ADGRD1: variants seen among roughly 807,000 people sequenced by gnomAD.
ADGRD1 encodes the protein adhesion G protein-coupled receptor D1.
A neutral mutation model predicts 113.4 loss-of-function variants in ADGRD1; 77 were observed. The ratio of observed to expected loss-of-function variants is 0.68; its 90% CI spans 0.57 to 0.82. The LOEUF is 0.82. Among genes scored for constraint, ADGRD1 ranks in the 40% least tolerant of loss-of-function variants. The pLI is 0.00. For synonymous variants in ADGRD1, 474 were observed against 475.0 expected (o/e 1.00, Z 0.03); for missense variants, 1,036 against 1,139.1 (o/e 0.91, Z 1.30).
chr12:130,963,211 T>G (rs1320002218), intron 2 of ADGRD1, among the ~76,000 whole-genome samples: 2 of 150,294 alleles, frequency 1.3e-5, no homozygotes, highest in Non-Finnish European at 3.0e-5. Context: ...TCCCAGCTAC[T>G]TGGGAAGCTG....
intron 4 of ADGRD1, chr12:130,978,833 C>T (rs1872631630): frequency 6.6e-6 from 1 of 152,132 alleles, no homozygotes; most frequent in South Asian, 2.1e-4. Context: ...TCCATGAATC[C>T]TACTGGGAAT....
At chr12:130,977,436 G>A (rs1003202481) in intron 4 of ADGRD1, 13 of 152,262 alleles carry the variant, frequency 8.5e-5, no homozygotes, top group African/African-American at 2.9e-4. Flanking sequence ...TCTCCTCCTG[G>A]CCACACCAGG....
At position 130,990,962 on chromosome 12, in the gene ADGRD1, G is replaced by C. The variant is rs955530063; in HGVS notation, c.746-52G>C. 3 of 1,424,344 alleles carry C rather than the reference G, an allele frequency of 2.1e-6. No individual in the cohort carries two copies. In the African/African-American group the frequency reaches 4.2e-5, roughly 20 times the overall value. The allele number at this position is 1,424,344 out of a possible 1,614,324, so 88.2% of individuals were successfully genotyped here. A position where few individuals can be genotyped will look rare whatever the true frequency, so the allele number is the denominator to read the frequency against. On this transcript the variant is annotated intron_variant, in intron 6 of 24. Coordinates refer to ENST00000261654, the MANE Select transcript of ADGRD1 (RefSeq NM_198827.5). ...TTTAACAAGGACAGGTCTTCCTCGT[G>C]GTGAAAAAAGTGACCATGTTTTAGT...
At chr12:130,969,431 T>C (rs1052242358) in intron 3 of ADGRD1, 1 of 208,840 alleles carries the variant, frequency 4.8e-6, no homozygotes, top group Non-Finnish European at 9.6e-6. Flanking sequence ...GAGCTCCACC[T>C]CCTGTCAGAT....
chr12:131,008,995 G>A (rs148894782), intron 12 of ADGRD1, among the ~76,000 whole-genome samples: 1 of 152,348 alleles, frequency 6.6e-6, no homozygotes, highest in Non-Finnish European at 1.5e-5. Flanking sequence ...AACTGACCCA[G>A]GCAGAAGCTA....
intron 8 of ADGRD1, among the ~76,000 whole-genome samples, chr12:130,997,647 G>T (rs1209821266): frequency 1.3e-5 from 2 of 151,872 alleles, no homozygotes; most frequent in Admixed American, 6.6e-5. Flanking sequence ...AGATGGGATG[G>T]CGGCCGGGAA....
intron 13 of ADGRD1, among the ~76,000 whole-genome samples, chr12:131,015,174 T>C (rs1309530448): frequency 6.6e-6 from 1 of 152,244 alleles, no homozygotes. Context: ...CATACCTGGG[T>C]GGGTGCTTCT....
rs765802718 is a variant in ADGRD1 at position 131,084,679 on chromosome 12, C to T, written c.1671+16C>T. ...CCCGCTGGAGGTAAGAGCCAGGCCTCAGGGGTCGCGGGACCTGGGGGACGT... is the reference window on the plus strand; with the variant it reads ...CCCGCTGGAGGTAAGAGCCAGGCCTTAGGGGTCGCGGGACCTGGGGGACGT... On this transcript the variant is annotated intron_variant, in intron 15 of 24. Transcript: ENST00000261654. This position sits in a 1 kb window ranked among gnomAD's most constrained non-coding sequence, Gnocchi z 4.5. 24 of 1,613,368 alleles carry T rather than the reference C, an allele frequency of 1.5e-5. No homozygotes were observed. In the South Asian group the frequency reaches 2.2e-4, roughly 15 times the overall value.
rs11612163 is a variant in ADGRD1, at chr12:131,096,053, G to A, written c.1672-8778G>A. On this transcript the variant is annotated intron_variant, in intron 15 of 24. Transcript: ENST00000261654. This position sits in a 1 kb window ranked among gnomAD's most constrained non-coding sequence, Gnocchi z 5.2. ...GTCACGGCCACCATTCCTGCCTCCC[G>A]GCCCTGCCCAGAGCAGCGGCCTAGA... Among the ~76,000 whole-genome samples the A allele has an allele frequency of 1.3e-3, 120 of 89,440 alleles. 1 individual carries two copies. In the East Asian group the frequency reaches 0.02, roughly 15 times the overall value. 58.7% of individuals were successfully genotyped at this position (89,440 alleles called of 152,430 possible).
intron 15 of ADGRD1, among the ~76,000 whole-genome samples, chr12:131,087,709 C>T (rs745958806): frequency 1.4e-4 from 15 of 104,064 alleles, no homozygotes; most frequent in Non-Finnish European, 2.8e-4. Flanking sequence ...CCAGCGACTG[C>T]CCCTTCCCAG....
At chr12:131,063,311 G>T (rs1392536258) in intron 13 of ADGRD1, among the ~76,000 whole-genome samples, 1 of 152,122 alleles carries the variant, frequency 6.6e-6, no homozygotes, top group Non-Finnish European at 1.5e-5. Context: ...ATTTTGTAAA[G>T]TCCAATTTAT....
rs916903885 is a variant in ADGRD1 at position 131,022,708 on chromosome 12, T to C, written c.1473+8368T>C. On this transcript the variant is annotated intron_variant, in intron 13 of 24. Coordinates refer to ENST00000261654, the MANE Select transcript of ADGRD1 (RefSeq NM_198827.5). The surrounding 1 kb of genome is among the most constrained non-coding windows in gnomAD (Gnocchi z 4.6). ...AGGCATTAAAGATATGCTGGGCTCA[T>C]GGAATCGGCTCTTTCCCTAAGGAGC... 6.6e-5 allele frequency: 10 copies of C among 152,184 alleles called. No homozygotes were observed. Among genetic ancestry groups the C allele is most frequent in the Middle Eastern group, 3.4e-3 (1 of 294 alleles). The allele number at this position is 152,184 out of a possible 1,614,324, so 9.4% of individuals were successfully genotyped here. A position where few individuals can be genotyped will look rare whatever the true frequency, so the allele number is the denominator to read the frequency against.
intron 4 of ADGRD1, among the ~76,000 whole-genome samples, chr12:130,972,693 C>T (rs901419090): frequency 6.6e-6 from 1 of 151,866 alleles, no homozygotes; most frequent in Non-Finnish European, 1.5e-5. Flanking sequence ...AATATGTGCT[C>T]CTTCCTTGCA....
rs1365644117 is a variant in ADGRD1, at chr12:131,036,278, TCTCACTCACTGCACTGGGC to T, written c.1473+21953_1473+21971del. On this transcript the variant is annotated intron_variant, in intron 13 of 24. Coordinates refer to ENST00000261654, the MANE Select transcript of ADGRD1 (RefSeq NM_198827.5). ...AGTGAGTCTCACTCACTGCACTGGG[TCTCACTCACTGCACTGGGC>T]CTCACTCACTGCACCGGGTCTTACT... is the stretch of plus-strand genomic sequence containing the variant. 3.9e-4 allele frequency among the ~76,000 whole-genome samples: 58 copies of T among 150,254 alleles called. No homozygotes were observed. In the South Asian group the frequency reaches 0.012, roughly 31 times the overall value.
chr12:130,960,378 T>C (rs1250568460), intron 2 of ADGRD1, among the ~76,000 whole-genome samples: 1 of 152,180 alleles, frequency 6.6e-6, no homozygotes, highest in Non-Finnish European at 1.5e-5. Context: ...TTAGAGTTTC[T>C]AAAGAACTGT....
At chr12:131,094,208 A>G (rs1725827) in intron 15 of ADGRD1, among the ~76,000 whole-genome samples, 138,888 of 152,182 alleles carry the variant, frequency 0.91, 64,792 homozygotes, top group East Asian at 1. Flanking sequence ...GACAGAGTGA[A>G]GTCACAGTGA....
chr12:130,996,252 C>T (rs1875321195), intron 8 of ADGRD1, among the ~76,000 whole-genome samples: 1 of 144,686 alleles, frequency 6.9e-6, no homozygotes, highest in South Asian at 2.2e-4. Flanking sequence ...TCCACAAAGC[C>T]GCGATTGTCA....
At chr12:130,959,774 G>A (rs898035530) in intron 2 of ADGRD1, among the ~76,000 whole-genome samples, 2 of 152,146 alleles carry the variant, frequency 1.3e-5, no homozygotes, top group Non-Finnish European at 2.9e-5. Flanking sequence ...GTAGAGAGGT[G>A]TTTCATTTTG....
chr12:131,066,131 G>A (rs1446563423), intron 13 of ADGRD1, among the ~76,000 whole-genome samples: 5 of 152,230 alleles, frequency 3.3e-5, no homozygotes, highest in Admixed American at 3.3e-4. Context: ...AGACTCATGA[G>A]CAGGCAGTAA....
Sources: allele counts gnomAD v4.1 joint callset (sites outside exome capture counted in the v4.1 genomes callset), GRCh38; gene constraint gnomAD v4.1.1; non-coding constraint Gnocchi (gnomAD v3.1); transcripts MANE v1.5; gene names NCBI Gene and HGNC (gene_info 2026-07-23, HGNC 2026-07-21).